Variants in CDC42EP3 observed in about 807,000 individuals in gnomAD.
CDC42EP3 encodes the protein CDC42 effector protein (Rho GTPase binding) 3.
Under a neutral mutation model 15.5 loss-of-function variants are expected in CDC42EP3, and 4 were observed. That is an observed-to-expected ratio of 0.26 (90% CI 0.13 to 0.59). The LOEUF (loss-of-function observed/expected upper bound fraction) is 0.59. CDC42EP3 is among the 20% of genes least tolerant of loss of function. CDC42EP3 has a pLI of 0.89. For missense variants in CDC42EP3, 309 were observed against 311.2 expected, an observed-to-expected ratio of 0.99 and a Z score of 0.05; for synonymous variants, 145 against 130.3, an observed-to-expected ratio of 1.11 and a Z score of -0.77.
chr2:37,669,405 A>C (rs1666339761), intron 1 of CDC42EP3, among the ~76,000 whole-genome samples: 2 of 152,226 alleles, frequency 1.3e-5, no homozygotes, highest in Admixed American at 6.5e-5. Flanking sequence ...GACAGGGCAA[A>C]TGAACTCATG....
intron 1 of CDC42EP3, among the ~76,000 whole-genome samples, chr2:37,661,553 A>G (rs1666057617): frequency 6.6e-6 from 1 of 152,200 alleles, no homozygotes; most frequent in Non-Finnish European, 1.5e-5. Flanking sequence ...AATGAACTGA[A>G]TGATGATGAA....
At chr2:37,649,445 CAAAAAAAAAAAAAAAAAAA>C (rs57232687) in intron 1 of CDC42EP3, among the ~76,000 whole-genome samples, 6 of 48,152 alleles carry the variant, frequency 1.2e-4, no homozygotes, top group Non-Finnish European at 1.9e-4. Context: ...GGCCTTGTCT[CAAAAAAAAAAAAAAAAAAA>C]AAAAAAAAAA....
chr2:37,651,951 A>G (rs750521191), intron 1 of CDC42EP3, among the ~76,000 whole-genome samples: 12 of 151,942 alleles, frequency 7.9e-5, no homozygotes, highest in Non-Finnish European at 1.6e-4. Flanking sequence ...CGAGGCGGGC[A>G]GATCACAAGA....
At position 37,646,203 on chromosome 2, in the gene CDC42EP3, T is replaced by C; in HGVS notation, c.385A>G (p.Asn129Asp). ...MLPLLSPVTF[N>D]SKQESFGPAK... ...GGCCCGAAGGACTCCTGTTTGGAAT[T>C]AAATGTCACTGGTGACAATAAGGGC... Residue 129 changes from asparagine (N) to aspartate (D), a missense_variant, in exon 2 of 2, where the codon AAT becomes GAT. Physicochemically the swap from Asn to Asp is conservative, Grantham distance 23 (BLOSUM62 1). Coordinates refer to ENST00000295324, the MANE Select transcript of CDC42EP3 (RefSeq NM_006449.5). 1 of 1,614,154 alleles carries C rather than the reference T, an allele frequency of 6.2e-7. No individual in the cohort carries two copies. Among genetic ancestry groups the C allele is most frequent in the Non-Finnish European group, 8.5e-7 (1 of 1,180,028 alleles).
chr2:37,665,174 A>G (rs890783624), intron 1 of CDC42EP3, among the ~76,000 whole-genome samples: 3 of 152,166 alleles, frequency 2.0e-5, no homozygotes, highest in African/African-American at 7.2e-5. Context: ...TTACAATAGG[A>G]GAAGATACAA....
chr2:37,670,283 G>A (rs1572531437), intron 1 of CDC42EP3, among the ~76,000 whole-genome samples: 1 of 152,112 alleles, frequency 6.6e-6, no homozygotes, highest in African/African-American at 2.4e-5. Context: ...GTACTCCCAA[G>A]AAACTCTTGG....
chr2:37,645,699 G>C lies in CDC42EP3; in HGVS notation c.*124C>G, dbSNP rs1392663439. On this transcript the variant is annotated 3_prime_UTR_variant, in exon 2 of 2. Transcript: ENST00000295324. Reference sequence around the variant, plus strand: ...GGCATAACAGGTAAAAAAATACTTTGTAAGAATATTATTTTAGAAAACCCA... The same window carrying C: ...GGCATAACAGGTAAAAAAATACTTTCTAAGAATATTATTTTAGAAAACCCA... 1 of 780,556 alleles carries C rather than the reference G, an allele frequency of 1.3e-6. No individual in the cohort carries two copies. The highest frequency in any genetic ancestry group is 2.7e-5 in the East Asian group (1 of 37,464). 48.4% of individuals were successfully genotyped at this position (780,556 alleles called of 1,614,324 possible).
chr2:37,653,885 T>C (rs1665765623), intron 1 of CDC42EP3, among the ~76,000 whole-genome samples: 1 of 152,214 alleles, frequency 6.6e-6, no homozygotes, highest in Non-Finnish European at 1.5e-5. Flanking sequence ...GCTCTGTTCT[T>C]TTCTCCTCCT....
intron 1 of CDC42EP3, among the ~76,000 whole-genome samples, chr2:37,658,172 A>T (rs1053594135): frequency 1.3e-5 from 2 of 152,192 alleles, no homozygotes; most frequent in African/African-American, 4.8e-5. Flanking sequence ...CAGTACCTTC[A>T]ACCCACATGC....
intron 1 of CDC42EP3, among the ~76,000 whole-genome samples, chr2:37,656,907 T>C (rs1295114642): frequency 6.6e-6 from 1 of 150,436 alleles, no homozygotes; most frequent in Non-Finnish European, 1.5e-5. Flanking sequence ...ATTTTTGCTA[T>C]TGTCAACAAG....
chr2:37,653,352 A>G (rs1373216268), intron 1 of CDC42EP3, among the ~76,000 whole-genome samples: 1 of 152,218 alleles, frequency 6.6e-6, no homozygotes, highest in Non-Finnish European at 1.5e-5. Flanking sequence ...ATAAGGAAGG[A>G]AGAGAGCCGG....
In CDC42EP3 at chr2:37,645,614, C is replaced by T. The variant is rs1665424286; in HGVS notation, c.*209G>A. On this transcript the variant is annotated 3_prime_UTR_variant, in exon 2 of 2. Coordinates refer to ENST00000295324, the MANE Select transcript of CDC42EP3 (RefSeq NM_006449.5). ...CTGAAAATGGGCTCTGACTCACTTCCTTTTTTTGCCAAGATAGGTTTTGCT... is the reference window on the plus strand; with the variant it reads ...CTGAAAATGGGCTCTGACTCACTTCTTTTTTTTGCCAAGATAGGTTTTGCT... The T allele has an allele frequency of 4.5e-6, 2 of 440,552 alleles. No individual in the cohort carries two copies. Among genetic ancestry groups the T allele is most frequent in the African/African-American group, 4.1e-5 (2 of 49,352 alleles). 27.3% of individuals were successfully genotyped at this position (440,552 alleles called of 1,614,324 possible).
At chr2:37,656,951 C>T (rs944397239) in intron 1 of CDC42EP3, among the ~76,000 whole-genome samples, 1 of 142,926 alleles carries the variant, frequency 7.0e-6, no homozygotes, top group Non-Finnish European at 1.5e-5. Flanking sequence ...TGGTAAACGT[C>T]AAAAGATTTG....
intron 1 of CDC42EP3, among the ~76,000 whole-genome samples, chr2:37,658,694 G>A (rs866904910): frequency 5.3e-5 from 8 of 151,982 alleles, no homozygotes; most frequent in South Asian, 4.2e-4. Flanking sequence ...ACTTCTCCCC[G>A]CCTCCATCTC....
At chr2:37,657,169 T>C (rs1665892786) in intron 1 of CDC42EP3, among the ~76,000 whole-genome samples, 2 of 152,070 alleles carry the variant, frequency 1.3e-5, no homozygotes, top group Non-Finnish European at 2.9e-5. Flanking sequence ...ATTTCCCTCC[T>C]AACCTGAAAC....
At chr2:37,656,482 C>A (rs1040591390) in intron 1 of CDC42EP3, among the ~76,000 whole-genome samples, 16 of 152,216 alleles carry the variant, frequency 1.1e-4, no homozygotes, top group Admixed American at 2.6e-4. Flanking sequence ...CAGAGGCTCT[C>A]TGGAAAGTGA....
intron 1 of CDC42EP3, among the ~76,000 whole-genome samples, chr2:37,657,141 C>T (rs1665891971): frequency 6.6e-6 from 1 of 152,228 alleles, no homozygotes. Context: ...AGCTCCCTAG[C>T]TTCCTAACTG....
chr2:37,654,751 A>C (rs557380872), intron 1 of CDC42EP3, among the ~76,000 whole-genome samples: 2 of 152,236 alleles, frequency 1.3e-5, no homozygotes, highest in Admixed American at 6.5e-5. Flanking sequence ...TCCCTTGAAG[A>C]AGCTTTCTCT....
chr2:37,653,632 C>T (rs565838425), intron 1 of CDC42EP3, among the ~76,000 whole-genome samples: 1 of 152,174 alleles, frequency 6.6e-6, no homozygotes, highest in Non-Finnish European at 1.5e-5. Context: ...AGAGTTGATG[C>T]ACTGGCAACT....
Sources: allele counts gnomAD v4.1 joint callset (sites outside exome capture counted in the v4.1 genomes callset), GRCh38; gene constraint gnomAD v4.1.1; transcripts MANE v1.5; gene names NCBI Gene and HGNC (gene_info 2026-07-23, HGNC 2026-07-21).